PHEX: variants seen among roughly 807,000 people sequenced by gnomAD.
PHEX encodes the protein phosphate-regulating neutral endopeptidase PHEX.
In PHEX, 16 loss-of-function variants were observed where a neutral mutation model predicts 68.0. The observed-to-expected ratio is 0.24, with a 90% CI of 0.16 to 0.36. The LOEUF (loss-of-function observed/expected upper bound fraction) is 0.36. Among genes scored for constraint, PHEX ranks in the 10% least tolerant of loss-of-function variants. The pLI is 1.00. For missense variants in PHEX, 480 were observed against 575.5 expected, an observed-to-expected ratio of 0.83 and a Z score of 1.70; for synonymous variants, 208 against 205.1, an observed-to-expected ratio of 1.01 and a Z score of -0.12.
intron 18 of PHEX, among the ~76,000 whole-genome samples, chrX:22,223,144 C>T (rs1935325163): frequency 8.9e-6 from 1 of 112,018 alleles, no homozygotes. Flanking sequence ...GTTTCATTCC[C>T]ACAGGAGAGT....
intron 20 of PHEX, among the ~76,000 whole-genome samples, chrX:22,230,590 G>A (rs892276451): frequency 1.8e-4 from 20 of 110,121 alleles, no homozygotes; most frequent in Non-Finnish European, 3.8e-4. Flanking sequence ...TCTGTGATTG[G>A]TGTATAGGAA....
Position 22,073,635 on chromosome X carries a change from G to GTTT in PHEX, c.350-2728_350-2726dup, listed in dbSNP as rs1182752837. Among the ~76,000 whole-genome samples, 32 of 53,207 alleles carry GTTT rather than the reference G, an allele frequency of 6.0e-4. 2 individuals are homozygous for GTTT. The highest frequency in any genetic ancestry group is 1.2e-3 in the African/African-American group (16 of 13,012). 46.2% of individuals were successfully genotyped at this position (53,207 alleles called of 115,157 possible). On this transcript the variant is annotated intron_variant, in intron 3 of 21. Transcript: ENST00000379374. Reference sequence around the variant, plus strand: ...AAAGTCTGAGGTTTGCTGTGCTATAGTTTTTTTTTTTTTTTTTTTTTTTTT... The same window carrying GTTT: ...AAAGTCTGAGGTTTGCTGTGCTATAGTTTTTTTTTTTTTTTTTTTTTTTTTTTT...
Position 22,214,763 on chromosome X carries a change from G to A in PHEX, c.1700+1805G>A, listed in dbSNP as rs1205798952. On this transcript the variant is annotated intron_variant, in intron 16 of 21. Transcript: ENST00000379374. ...TGTCAGATTGGTGTGCTCAAAAATA[G>A]TGAGGGCTACGAGGACGTGGGCAGC... Among the ~76,000 whole-genome samples the A allele has an allele frequency of 6.3e-5, 7 of 111,803 alleles. No individual in the cohort carries two copies. In the East Asian group the frequency reaches 1.7e-3, roughly 27 times the overall value.
At chrX:22,143,722 C>T (rs1318381795) in intron 12 of PHEX, among the ~76,000 whole-genome samples, 1 of 112,444 alleles carries the variant, frequency 8.9e-6, no homozygotes, top group Non-Finnish European at 1.9e-5. Flanking sequence ...GACTCATCCA[C>T]TTTGTAGCAT....
At chrX:22,083,376 A>G (rs761106817) in intron 5 of PHEX, among the ~76,000 whole-genome samples, 1 of 111,822 alleles carries the variant, frequency 8.9e-6, no homozygotes, top group South Asian at 3.7e-4. Flanking sequence ...TATAAAATTT[A>G]GGATTTGTTT....
intron 12 of PHEX, among the ~76,000 whole-genome samples, chrX:22,135,805 C>G (rs1252466324): frequency 8.9e-6 from 1 of 111,956 alleles, no homozygotes; most frequent in African/African-American, 3.2e-5. Context: ...TAAAAGCGTT[C>G]TTTGAACACT....
chrX:22,086,867 T>C (rs1014896143), intron 5 of PHEX, among the ~76,000 whole-genome samples: 27 of 112,465 alleles, frequency 2.4e-4, no homozygotes, highest in African/African-American at 8.7e-4. Context: ...CAGTTAAATG[T>C]GTTGGATTTC....
intron 20 of PHEX, among the ~76,000 whole-genome samples, chrX:22,229,179 T>C (rs985583158): frequency 8.9e-5 from 10 of 112,248 alleles, no homozygotes; most frequent in African/African-American, 2.9e-4. Flanking sequence ...CCATTGTGAA[T>C]AGTGCCACAA....
chrX:22,156,308 C>T (rs909916447), intron 12 of PHEX, among the ~76,000 whole-genome samples: 4 of 110,268 alleles, frequency 3.6e-5, no homozygotes, highest in South Asian at 3.9e-4. Context: ...CTCATCCTGG[C>T]GCCAACTTTT....
intron 12 of PHEX, among the ~76,000 whole-genome samples, chrX:22,160,502 T>C (rs1180372749): frequency 3.7e-5 from 4 of 106,828 alleles, no homozygotes; most frequent in Non-Finnish European, 7.7e-5. Flanking sequence ...TGAGCTGAGA[T>C]TGTGGCATTG....
chrX:22,065,707 A>G (rs1176312679), intron 3 of PHEX, among the ~76,000 whole-genome samples: 1 of 111,912 alleles, frequency 8.9e-6, no homozygotes, highest in Non-Finnish European at 1.9e-5. Context: ...TACAGACGTG[A>G]GCCACCGCGC....
Position 22,041,241 on chromosome X carries a change from A to ATCTCTCTCTC in PHEX, c.187+2720_187+2729dup, listed in dbSNP as rs778017024. On this transcript the variant is annotated intron_variant, in intron 2 of 21. Transcript: ENST00000379374. The stretch of plus-strand genomic sequence containing the variant: ...TCTTTTTTTGTTCCATTCTTAAGTG[A>ATCTCTCTCTC]TCTCTCTCTCTCTCTCTCTCTCTCT... Among the ~76,000 whole-genome samples, 42 of 51,138 alleles carry ATCTCTCTCTC rather than the reference A, an allele frequency of 8.2e-4. 2 individuals carry two copies. Among genetic ancestry groups the ATCTCTCTCTC allele is most frequent in the African/African-American group, 2.7e-3 (29 of 10,563 alleles). The allele number at this position is 51,138 out of a possible 115,157, so 44.4% of individuals were successfully genotyped here.
intron 3 of PHEX, among the ~76,000 whole-genome samples, chrX:22,067,956 C>G (rs1487560130): frequency 4.5e-5 from 5 of 109,988 alleles, no homozygotes; most frequent in African/African-American, 1.7e-4. Flanking sequence ...ACTCAGCCTC[C>G]CGAGTAGCTA....
chrX:22,073,997 T>A (rs1370873976), intron 3 of PHEX, among the ~76,000 whole-genome samples: 1 of 110,630 alleles, frequency 9.0e-6, no homozygotes, highest in African/African-American at 3.3e-5. Flanking sequence ...AATACCTGGG[T>A]GGGGTGGAGG....
chrX:22,103,275 G>A (rs1930509524), intron 9 of PHEX, among the ~76,000 whole-genome samples: 1 of 111,734 alleles, frequency 8.9e-6, no homozygotes, highest in Non-Finnish European at 1.9e-5. Flanking sequence ...GCCATCCTGT[G>A]TTGGTGTCAG....
At chrX:22,184,865 TG>T in intron 14 of PHEX, among the ~76,000 whole-genome samples, 1 of 112,485 alleles carries the variant, frequency 8.9e-6, no homozygotes, top group South Asian at 3.7e-4. Context: ...CCAGAACTTT[TG>T]TTTGCAAAAG....
chrX:22,215,297 C>T (rs1340494467), intron 16 of PHEX, among the ~76,000 whole-genome samples: 2 of 111,290 alleles, frequency 1.8e-5, no homozygotes, highest in African/African-American at 6.5e-5. Context: ...TTTGGGTACT[C>T]AGCATTGGGA....
chrX:22,093,409 C>T (rs1047404689), intron 6 of PHEX, among the ~76,000 whole-genome samples: 4 of 112,083 alleles, frequency 3.6e-5, no homozygotes, highest in African/African-American at 6.5e-5. Context: ...TTCCTATCAT[C>T]GTTCCTCTCT....
chrX:22,216,103 C>T, intron 16 of PHEX, among the ~76,000 whole-genome samples: 1 of 111,592 alleles, frequency 9.0e-6, no homozygotes, highest in East Asian at 2.8e-4. Flanking sequence ...TGGAAATACC[C>T]AAGCAGGGTA....
Sources: gnomAD v4.1 joint callset for allele counts (sites outside exome capture counted in the v4.1 genomes callset) on GRCh38, gnomAD v4.1.1 for gene constraint, MANE v1.5 for transcripts, NCBI Gene and HGNC (gene_info 2026-07-23, HGNC 2026-07-21) for gene names.